Variants in PCDH15 observed in about 807,000 individuals in gnomAD.
PCDH15 encodes the protein protocadherin-15.
Under a neutral mutation model 178.5 loss-of-function variants are expected in PCDH15, and 129 were observed. The ratio of observed to expected loss-of-function variants is 0.72; its 90% CI spans 0.63 to 0.84. PCDH15 has a LOEUF of 0.84. Among genes scored for constraint, PCDH15 ranks in the 40% least tolerant of loss-of-function variants. The pLI is 0.00. For missense variants in PCDH15, 2,230 were observed against 2,099.9 expected (o/e 1.06, Z -1.21); for synonymous variants, 800 against 732.0 (o/e 1.09, Z -1.50).
At position 55,619,320 on chromosome 10, in the gene PCDH15, A is replaced by G. The variant is rs1303142245; in HGVS notation, c.-156+8305T>C. 3.3e-5 allele frequency among the ~76,000 whole-genome samples: 5 copies of G among 152,012 alleles called. No individual in the cohort carries two copies. In the South Asian group the frequency reaches 8.3e-4, roughly 25 times the overall value. ...ACTGCATCAGAATTTTAAAAAAACT[A>G]TAGCGTCATTGGTTCTGGCAATAAG... On this transcript the variant is annotated intron_variant, in intron 2 of 5. Coordinates refer to the PCDH15 transcript ENST00000613346.
chr10:55,275,893 A>C (rs563828895), intron 1 of PCDH15, among the ~76,000 whole-genome samples: 4 of 151,708 alleles, frequency 2.6e-5, no homozygotes, highest in Non-Finnish European at 3.0e-5. Context: ...ATTTCTACCC[A>C]ATAATGAGGT....
chr10:55,467,965 T>TCAAAAAAAAAAAAAAAAAAA (rs1839869038), intron 2 of PCDH15, among the ~76,000 whole-genome samples: 1 of 12,226 alleles, frequency 8.2e-5, no homozygotes, highest in Non-Finnish European at 1.2e-4. Flanking sequence ...AGACTCCGTC[T>TCAAAAAAAAAAAAAAAAAAA]CAAAAAAAAA....
At chr10:55,340,141 T>G (rs1015820627) in intron 2 of PCDH15, among the ~76,000 whole-genome samples, 2 of 151,142 alleles carry the variant, frequency 1.3e-5, no homozygotes, top group Non-Finnish European at 3.0e-5. Context: ...TAGACACCCA[T>G]GTATAGACAC....
At chr10:54,362,745 G>A (rs146450310) in intron 5 of PCDH15, among the ~76,000 whole-genome samples, 39 of 151,772 alleles carry the variant, frequency 2.6e-4, no homozygotes, top group African/African-American at 9.0e-4. Flanking sequence ...TAGTATTTCC[G>A]GGACATGAAA....
rs12220028 is a variant in PCDH15, at chr10:55,464,085, A to G, written c.-156+163540T>C. 2.0e-4 allele frequency among the ~76,000 whole-genome samples: 12 copies of G among 61,512 alleles called. 1 individual carries two copies. Among genetic ancestry groups the G allele is most frequent in the South Asian group, 7.9e-4 (1 of 1,258 alleles). 40.4% of individuals were successfully genotyped at this position (61,512 alleles called of 152,430 possible). The stretch of plus-strand genomic sequence containing the variant: ...AGAAAAGGAAAGAAAGGGAAAGAAG[A>G]AAAGAAAAGGAGTACTGACACATAA... On this transcript the variant is annotated intron_variant, in intron 2 of 5. Coordinates refer to the PCDH15 transcript ENST00000613346.
chr10:54,992,805 A>T (rs1839536403), intron 2 of PCDH15, among the ~76,000 whole-genome samples: 1 of 151,976 alleles, frequency 6.6e-6, no homozygotes, highest in Admixed American at 6.6e-5. Flanking sequence ...CAAAAATAAT[A>T]GATGGAGAGA....
At chr10:54,303,333 T>C (rs2060256919) in intron 8 of PCDH15, among the ~76,000 whole-genome samples, 1 of 152,208 alleles carries the variant, frequency 6.6e-6, no homozygotes, top group South Asian at 2.1e-4. Context: ...TTATATGTCC[T>C]AAGAGGGTTC....
intron 26 of PCDH15, among the ~76,000 whole-genome samples, chr10:53,872,588 A>T (rs2079946879): frequency 6.6e-6 from 1 of 152,144 alleles, no homozygotes; most frequent in South Asian, 2.1e-4. Flanking sequence ...ACTAACCATC[A>T]GTTTACTCCT....
At chr10:54,432,194 A>C (rs1957045333) in intron 3 of PCDH15, among the ~76,000 whole-genome samples, 1 of 152,088 alleles carries the variant, frequency 6.6e-6, no homozygotes. Context: ...TACCAATGAC[A>C]TTACTCACAA....
rs1419817420 is a variant in PCDH15 at position 54,978,681 on chromosome 10, C to T, written c.-79-81181G>A. Among the ~76,000 whole-genome samples, 3 of 152,132 alleles carry T rather than the reference C, an allele frequency of 2.0e-5. No individual in the cohort carries two copies. The East Asian group carries it at 5.8e-4, about 29-fold the overall frequency. ...TAGATACTGTAATCAATGGAAAAGG[C>T]ATTGACTTAAATCTGCATATCAAAC... On this transcript the variant is annotated intron_variant, in intron 2 of 5. Coordinates refer to the PCDH15 transcript ENST00000458638.
At chr10:55,379,150 T>G (rs1430691707) in intron 2 of PCDH15, among the ~76,000 whole-genome samples, 2 of 151,560 alleles carry the variant, frequency 1.3e-5, no homozygotes, top group African/African-American at 4.9e-5. Flanking sequence ...TTAATTTTTT[T>G]TGGGAAAACA....
intron 1 of PCDH15, among the ~76,000 whole-genome samples, chr10:54,692,722 A>C (rs28665931): frequency 1.2e-3 from 2 of 1,734 alleles, no homozygotes; most frequent in East Asian, 0.036. Context: ...TGAATAACTC[A>C]AAATAATAAG....
At chr10:54,299,325 GAA>G (rs1254126287) in intron 8 of PCDH15, among the ~76,000 whole-genome samples, 7 of 150,680 alleles carry the variant, frequency 4.6e-5, no homozygotes, top group African/African-American at 1.7e-4. Context: ...GTCAGAAAGA[GAA>G]AGACAGACAA....
intron 2 of PCDH15, among the ~76,000 whole-genome samples, chr10:54,977,807 T>C (rs890220287): frequency 6.6e-6 from 1 of 152,184 alleles, no homozygotes; most frequent in Non-Finnish European, 1.5e-5. Flanking sequence ...AAATACAGTG[T>C]CCTTTTGTAT....
At chr10:55,374,903 A>C (rs560890360) in intron 2 of PCDH15, among the ~76,000 whole-genome samples, 18 of 152,164 alleles carry the variant, frequency 1.2e-4, no homozygotes, top group African/African-American at 3.9e-4. Context: ...ATATAAAAAT[A>C]GAGTAGAAAG....
At chr10:54,013,942 T>C (rs961584003) in intron 20 of PCDH15, among the ~76,000 whole-genome samples, 3 of 151,560 alleles carry the variant, frequency 2.0e-5, no homozygotes, top group African/African-American at 7.3e-5. Context: ...GCAAAGACCA[T>C]ATAAAAGATA....
At chr10:55,075,406 A>T (rs1170129257) in intron 2 of PCDH15, among the ~76,000 whole-genome samples, 2 of 142,016 alleles carry the variant, frequency 1.4e-5, no homozygotes, top group East Asian at 2.1e-4. Context: ...TTGCTCAGTC[A>T]CCAGGCTGGA....
intron 2 of PCDH15, among the ~76,000 whole-genome samples, chr10:55,075,067 G>A (rs556796283): frequency 1.3e-5 from 2 of 152,096 alleles, no homozygotes; most frequent in East Asian, 3.9e-4. Flanking sequence ...CTGTTCCATT[G>A]GTCTATGTGT....
chr10:55,174,979 T>C (rs1033755402), intron 1 of PCDH15, among the ~76,000 whole-genome samples: 10 of 152,154 alleles, frequency 6.6e-5, no homozygotes, highest in African/African-American at 2.2e-4. Context: ...AAGGATGTTA[T>C]GTTACTTTTG....
Sources: allele counts gnomAD v4.1 joint callset (sites outside exome capture counted in the v4.1 genomes callset), GRCh38; gene constraint gnomAD v4.1.1; transcripts MANE v1.5; gene names NCBI Gene and HGNC (gene_info 2026-07-23, HGNC 2026-07-21).